TNR: variants seen among roughly 807,000 people sequenced by gnomAD.
TNR encodes the protein tenascin R.
Under a neutral mutation model 150.4 loss-of-function variants are expected in TNR, and 45 were observed. The ratio of observed to expected loss-of-function variants is 0.30; its 90% CI spans 0.24 to 0.38. The LOEUF is 0.38. Among genes scored for constraint, TNR ranks in the 10% least tolerant of loss-of-function variants. The pLI is 1.00. For missense variants in TNR, 1,544 were observed against 1,759.1 expected, an observed-to-expected ratio of 0.88 and a Z score of 2.19; for synonymous variants, 687 against 678.4, an observed-to-expected ratio of 1.01 and a Z score of -0.20.
chr1:175,652,232 C>T (rs1296836281), intron 1 of TNR, among the ~76,000 whole-genome samples: 1 of 148,832 alleles, frequency 6.7e-6, no homozygotes, highest in African/African-American at 2.5e-5. Context: ...TATATATGAA[C>T]ATATTTGTCA....
intron 1 of TNR, among the ~76,000 whole-genome samples, chr1:175,619,563 T>C (rs1663896249): frequency 6.6e-6 from 1 of 152,198 alleles, no homozygotes; most frequent in South Asian, 2.1e-4. Context: ...CAGCTCGCTT[T>C]GGACCTGAAA....
chr1:175,420,991 T>C (rs1654726746), intron 2 of TNR, among the ~76,000 whole-genome samples: 1 of 151,808 alleles, frequency 6.6e-6, no homozygotes, highest in Non-Finnish European at 1.5e-5. Context: ...GAATACGCTC[T>C]CTGAATTTTT....
At chr1:175,419,733 C>T (rs1654667454) in intron 2 of TNR, among the ~76,000 whole-genome samples, 2 of 152,182 alleles carry the variant, frequency 1.3e-5, no homozygotes, top group African/African-American at 4.8e-5. Flanking sequence ...CCACCGACCT[C>T]AGCCTCCCAA....
Position 175,402,368 on chromosome 1 carries a change from T to A in TNR, c.976+772A>T, listed in dbSNP as rs534862630. Among the ~76,000 whole-genome samples the A allele has an allele frequency of 3.3e-5, 5 of 151,426 alleles. No individual in the cohort carries two copies. The South Asian group carries it at 8.3e-4, about 25-fold the overall frequency. On this transcript the variant is annotated intron_variant, in intron 4 of 22. Coordinates refer to ENST00000367674, the MANE Select transcript of TNR (RefSeq NM_003285.3). ...ATCAGCCCCAATGAGATACTTTTTTTTTTTTTTCTCACTGTTGGGTTTAGA... is the reference window on the plus strand; with the variant it reads ...ATCAGCCCCAATGAGATACTTTTTTATTTTTTTCTCACTGTTGGGTTTAGA...
intron 1 of TNR, among the ~76,000 whole-genome samples, chr1:175,728,311 C>A (rs1667536334): frequency 6.6e-6 from 1 of 152,160 alleles, no homozygotes; most frequent in Admixed American, 6.5e-5. Context: ...TGTCAGGAGG[C>A]CTGAAGTCAA....
intron 2 of TNR, among the ~76,000 whole-genome samples, chr1:175,486,051 C>T (rs1164346322): frequency 6.6e-6 from 1 of 151,940 alleles, no homozygotes; most frequent in Non-Finnish European, 1.5e-5. Flanking sequence ...GACAATTTTT[C>T]CATTAACTAG....
chr1:175,488,418 G>C (rs968726665), intron 2 of TNR, among the ~76,000 whole-genome samples: 24 of 152,194 alleles, frequency 1.6e-4, no homozygotes, highest in African/African-American at 5.8e-4. Context: ...GGTTGGAAGA[G>C]AGGCTGGGAG....
intron 2 of TNR, among the ~76,000 whole-genome samples, chr1:175,407,084 GC>G (rs1286348566): frequency 6.6e-6 from 1 of 152,216 alleles, no homozygotes; most frequent in African/African-American, 2.4e-5. Flanking sequence ...GGGGGCTGGG[GC>G]CCTGTGGATG....
rs1436587470 is a variant in TNR at position 175,599,316 on chromosome 1, G to A, written c.-164-70947C>T. ...GCAGTGGCGGAGACATCGCAGCAACGCTAACGGGGCAGACCGCATAGGGGC... is the reference window on the plus strand; with the variant it reads ...GCAGTGGCGGAGACATCGCAGCAACACTAACGGGGCAGACCGCATAGGGGC... On this transcript the variant is annotated intron_variant, in intron 1 of 22. Coordinates refer to ENST00000367674, the MANE Select transcript of TNR (RefSeq NM_003285.3). This position sits in a 1 kb window ranked among gnomAD's most constrained non-coding sequence, Gnocchi z 4.7. Among the ~76,000 whole-genome samples, 2 of 152,208 alleles carry A rather than the reference G, an allele frequency of 1.3e-5. No homozygotes were observed. Among genetic ancestry groups the A allele is most frequent in the East Asian group, 3.8e-4 (2 of 5,198 alleles).
chr1:175,547,634 A>T (rs772988616), intron 1 of TNR, among the ~76,000 whole-genome samples: 1 of 102,794 alleles, frequency 9.7e-6, no homozygotes, highest in African/African-American at 3.5e-5. Context: ...AGAAAGAAAG[A>T]AAGAGAAAGA....
At chr1:175,556,979 T>A (rs1661185550) in intron 1 of TNR, among the ~76,000 whole-genome samples, 1 of 152,314 alleles carries the variant, frequency 6.6e-6, no homozygotes, top group South Asian at 2.1e-4. Context: ...CCTCCCTTGA[T>A]GGTTTTGATG....
intron 19 of TNR, among the ~76,000 whole-genome samples, chr1:175,336,250 A>C (rs191270350): frequency 6.6e-6 from 1 of 152,376 alleles, no homozygotes; most frequent in East Asian, 1.9e-4. Flanking sequence ...CAGGCAAAGC[A>C]ATATTGCATA....
intron 1 of TNR, among the ~76,000 whole-genome samples, chr1:175,603,699 A>C (rs1346054316): frequency 6.6e-6 from 1 of 152,226 alleles, no homozygotes; most frequent in Admixed American, 6.5e-5. Context: ...TAGGCTTAGC[A>C]TCTGTGAGTG....
chr1:175,394,037 CA>C (rs768974238), intron 5 of TNR, 142 bp from the exon 6 acceptor site: 7 of 652,044 alleles, frequency 1.1e-5, no homozygotes, highest in Non-Finnish European at 1.6e-5. Context: ...GCTCCAGACA[CA>C]GTGAGTCCCA....
At chr1:175,515,003 G>A (rs1490887626) in intron 2 of TNR, among the ~76,000 whole-genome samples, 1 of 152,154 alleles carries the variant, frequency 6.6e-6, no homozygotes, top group African/African-American at 2.4e-5. Context: ...TTGCGATGGT[G>A]TCACTTACTG....
intron 1 of TNR, among the ~76,000 whole-genome samples, chr1:175,602,626 GA>G (rs1663283125): frequency 6.6e-6 from 1 of 152,214 alleles, no homozygotes; most frequent in Non-Finnish European, 1.5e-5. Context: ...ATGGCCTTAA[GA>G]AATGACTGGC....
intron 1 of TNR, among the ~76,000 whole-genome samples, chr1:175,539,864 C>T (rs545842849): frequency 1.1e-4 from 17 of 152,258 alleles, no homozygotes; most frequent in South Asian, 6.2e-4. Flanking sequence ...GTAGCTCACA[C>T]TATAGCATAA....
intron 2 of TNR, among the ~76,000 whole-genome samples, chr1:175,489,677 C>T (rs1658161566): frequency 3.9e-5 from 6 of 152,242 alleles, no homozygotes; most frequent in South Asian, 4.1e-4. Context: ...AAGCTGAATG[C>T]CCTTGTGTTT....
At chr1:175,439,647 A>C (rs1655687512) in intron 2 of TNR, among the ~76,000 whole-genome samples, 1 of 152,274 alleles carries the variant, frequency 6.6e-6, no homozygotes, top group Admixed American at 6.5e-5. Context: ...ACTAATATCC[A>C]GAATCTACAA....
Sources: gnomAD v4.1 joint callset for allele counts (sites outside exome capture counted in the v4.1 genomes callset) on GRCh38, gnomAD v4.1.1 for gene constraint, Gnocchi (gnomAD v3.1) non-coding constraint, MANE v1.5 for transcripts, NCBI Gene and HGNC (gene_info 2026-07-23, HGNC 2026-07-21) for gene names.